Variants in NPAS3 observed in about 807,000 individuals in gnomAD.
NPAS3 encodes the protein neuronal PAS domain-containing protein 3.
In NPAS3, 14 loss-of-function variants were observed where a neutral mutation model predicts 73.1. The observed-to-expected ratio is 0.19, with a 90% CI of 0.13 to 0.30. The LOEUF (loss-of-function observed/expected upper bound fraction) is 0.30. NPAS3 is among the 10% of genes least tolerant of loss of function. NPAS3 has a pLI of 1.00. For synonymous variants in NPAS3, 620 were observed against 541.5 expected (o/e 1.14, Z -2.01); for missense variants, 1,096 against 1,250.0 (o/e 0.88, Z 1.86).
chr14:33,734,591 A>T (rs1337661089), intron 6 of NPAS3, among the ~76,000 whole-genome samples: 2 of 152,154 alleles, frequency 1.3e-5, no homozygotes, highest in Non-Finnish European at 2.9e-5. Context: ...AGTGACAGGA[A>T]TGGAAAGTTG....
chr14:33,606,354 G>A (rs113716432), intron 5 of NPAS3, among the ~76,000 whole-genome samples: 2 of 151,578 alleles, frequency 1.3e-5, no homozygotes, highest in African/African-American at 4.8e-5. Flanking sequence ...ATAGTTTACT[G>A]AGAATGATGA....
At chr14:33,480,348 T>G (rs959805788) in intron 4 of NPAS3, among the ~76,000 whole-genome samples, 1 of 152,176 alleles carries the variant, frequency 6.6e-6, no homozygotes, top group African/African-American at 2.4e-5. Flanking sequence ...TCAGTGAGGA[T>G]TCAGTCATGC....
At chr14:33,436,714 T>C (rs2049005094) in intron 4 of NPAS3, among the ~76,000 whole-genome samples, 1 of 152,214 alleles carries the variant, frequency 6.6e-6, no homozygotes, top group Non-Finnish European at 1.5e-5. Flanking sequence ...ACCTATTTCT[T>C]CAGTGTGAAC....
intron 7 of NPAS3, among the ~76,000 whole-genome samples, chr14:33,752,987 T>C (rs2062008442): frequency 6.6e-6 from 1 of 152,196 alleles, no homozygotes; most frequent in Admixed American, 6.5e-5. Context: ...AAATCATTGA[T>C]GCCCCAATCT....
intron 5 of NPAS3, among the ~76,000 whole-genome samples, chr14:33,673,869 A>G (rs1334499846): frequency 6.6e-6 from 1 of 152,214 alleles, no homozygotes; most frequent in Admixed American, 6.5e-5. Flanking sequence ...CTGGTCTTGA[A>G]GTCAGGTTAT....
intron 2 of NPAS3, among the ~76,000 whole-genome samples, chr14:33,195,164 G>A (rs963271793): frequency 1.3e-5 from 2 of 151,588 alleles, no homozygotes; most frequent in African/African-American, 4.8e-5. Context: ...ACTGTACATA[G>A]AGAGTAAACA....
At chr14:33,371,816 A>G (rs533057896) in intron 4 of NPAS3, among the ~76,000 whole-genome samples, 1 of 151,160 alleles carries the variant, frequency 6.6e-6, no homozygotes, top group South Asian at 2.1e-4. Context: ...AGTTTCAGAT[A>G]CTGTGCTAAG....
chr14:33,150,110 A>G (rs11625222), intron 2 of NPAS3, among the ~76,000 whole-genome samples: 3,678 of 152,324 alleles, frequency 0.024, 69 homozygotes, highest in Non-Finnish European at 0.039. Context: ...TGCAAAGGAC[A>G]TGAACTCATC....
intron 6 of NPAS3, among the ~76,000 whole-genome samples, chr14:33,685,282 C>G (rs1214780764): frequency 1.3e-5 from 2 of 152,142 alleles, no homozygotes; most frequent in African/African-American, 2.4e-5. Context: ...CATCATAGCA[C>G]ACACTGCCGC....
chr14:33,056,599 T>C (rs1250466910), intron 2 of NPAS3, among the ~76,000 whole-genome samples: 1 of 152,204 alleles, frequency 6.6e-6, no homozygotes, highest in Admixed American at 6.5e-5. Flanking sequence ...ATCTGCACTT[T>C]GGGTAACGAG....
rs76072228 is a variant in NPAS3 at position 33,554,611 on chromosome 14, G to C, written c.469-5510G>C. On this transcript the variant is annotated intron_variant, in intron 4 of 11. Coordinates refer to ENST00000356141, the Ensembl canonical transcript of NPAS3. ...CTGGTAATTCTTCTCTCTAACTGGA[G>C]TTAAGTCACAGGAAAAGAGTTTGGG... is the stretch of plus-strand genomic sequence containing the variant. Among the ~76,000 whole-genome samples, 11 of 152,274 alleles carry C rather than the reference G, an allele frequency of 7.2e-5. No homozygotes were observed. The East Asian group carries it at 1.5e-3, about 21-fold the overall frequency.
At chr14:33,123,796 A>C (rs1487455568) in intron 2 of NPAS3, among the ~76,000 whole-genome samples, 1 of 151,664 alleles carries the variant, frequency 6.6e-6, no homozygotes, top group Non-Finnish European at 1.5e-5. Flanking sequence ...AAAATCAATT[A>C]GTGTCAATGA....
intron 7 of NPAS3, among the ~76,000 whole-genome samples, chr14:33,736,501 C>T (rs555727218): frequency 6.6e-6 from 1 of 152,286 alleles, no homozygotes; most frequent in African/African-American, 2.4e-5. Flanking sequence ...ATAGAGGCTT[C>T]TTACAAAGGA....
chr14:33,168,319 C>A (rs948402585), intron 2 of NPAS3, among the ~76,000 whole-genome samples: 2 of 151,768 alleles, frequency 1.3e-5, no homozygotes, highest in East Asian at 1.9e-4. Context: ...AAAGGGGATT[C>A]GAAGGCAAAC....
chr14:33,226,894 G>A (rs2047657048), intron 3 of NPAS3, among the ~76,000 whole-genome samples: 1 of 152,190 alleles, frequency 6.6e-6, no homozygotes, highest in Non-Finnish European at 1.5e-5. Flanking sequence ...AACAGACTGT[G>A]TACACAGTTT....
At chr14:33,407,235 G>A (rs1300954945) in intron 4 of NPAS3, among the ~76,000 whole-genome samples, 1 of 152,062 alleles carries the variant, frequency 6.6e-6, no homozygotes. Context: ...AACTTAGAAG[G>A]CCATTGCAAA....
chr14:33,768,163 C>T (rs1297354422), intron 7 of NPAS3, among the ~76,000 whole-genome samples: 1 of 152,208 alleles, frequency 6.6e-6, no homozygotes, highest in African/African-American at 2.4e-5. Context: ...TAATCTTGTG[C>T]ATTCTGCTTC....
intron 1 of NPAS3, among the ~76,000 whole-genome samples, chr14:33,005,978 C>T (rs1253705911): frequency 6.6e-6 from 1 of 152,164 alleles, no homozygotes; most frequent in Non-Finnish European, 1.5e-5. Flanking sequence ...ATGTAACTCC[C>T]TCCCCATGAG....
intron 4 of NPAS3, among the ~76,000 whole-genome samples, chr14:33,457,966 AC>A (rs1288317353): frequency 6.6e-6 from 1 of 152,194 alleles, no homozygotes; most frequent in Non-Finnish European, 1.5e-5. Context: ...GACAGTGGAA[AC>A]CGCGACAGGT....
Sources: gnomAD v4.1 joint callset for allele counts (sites outside exome capture counted in the v4.1 genomes callset) on GRCh38, gnomAD v4.1.1 for gene constraint, MANE v1.5 for transcripts, NCBI Gene and HGNC (gene_info 2026-07-23, HGNC 2026-07-21) for gene names.